Variants in KIAA1217 observed in about 807,000 individuals in gnomAD.
The protein encoded by KIAA1217 is sickle tail protein homolog.
KIAA1217 carries 88 observed loss-of-function variants against 163.9 expected under a neutral mutation model. The ratio of observed to expected loss-of-function variants is 0.54; its 90% confidence interval spans 0.45 to 0.64. The LOEUF is 0.64. KIAA1217 is among the 30% of genes least tolerant of loss of function. The pLI, the probability that KIAA1217 is intolerant of heterozygous loss-of-function variation, is 0.00. For missense variants in KIAA1217, 2,372 were observed against 2,475.0 expected, an observed-to-expected ratio of 0.96 and a Z score of 0.88; for synonymous variants, 903 against 923.1, an observed-to-expected ratio of 0.98 and a Z score of 0.39.
rs148324164 is a variant in KIAA1217, at chr10:23,717,361, A to G, written c.-321+22127A>G. On this transcript the variant is annotated intron_variant, in intron 1 of 18. Transcript: ENST00000376462. ...CTAATAATTACTGAGCACGTACTAT[A>G]GTCCAGGCAGCATGCTAAACTCTAC... Among the ~76,000 whole-genome samples, 177 of 152,250 alleles carry G rather than the reference A, an allele frequency of 1.2e-3. 13 individuals are homozygous for G. The East Asian group carries it at 0.028, about 24-fold the overall frequency.
intron 2 of KIAA1217, among the ~76,000 whole-genome samples, chr10:24,326,224 G>A (rs982571858): frequency 2.6e-5 from 4 of 152,086 alleles, no homozygotes; most frequent in African/African-American, 7.2e-5. Flanking sequence ...AGTTGTAAAA[G>A]TTCCCATAGG....
At chr10:24,491,282 TTTCC>T (rs1383075992) in intron 6 of KIAA1217, among the ~76,000 whole-genome samples, 1 of 144,370 alleles carries the variant, frequency 6.9e-6, no homozygotes. Flanking sequence ...TCTTTTTTTT[TTTCC>T]TTTTTTTTTT....
chr10:24,375,730 G>A (rs2052391091), intron 2 of KIAA1217, among the ~76,000 whole-genome samples: 1 of 152,184 alleles, frequency 6.6e-6, no homozygotes, highest in African/African-American at 2.4e-5. Flanking sequence ...ATGCCCTGTG[G>A]CAAATTGGGC....
chr10:23,841,328 A>G (rs1237652974), intron 1 of KIAA1217, among the ~76,000 whole-genome samples: 2 of 152,200 alleles, frequency 1.3e-5, no homozygotes, highest in African/African-American at 4.8e-5. Context: ...ATAGGAATGA[A>G]TTTGTCCTGT....
intron 1 of KIAA1217, among the ~76,000 whole-genome samples, chr10:23,817,284 T>C (rs1837351578): frequency 1.3e-5 from 2 of 152,352 alleles, no homozygotes; most frequent in African/African-American, 4.8e-5. Flanking sequence ...TATATACAAA[T>C]GACTTCTTCT....
intron 1 of KIAA1217, among the ~76,000 whole-genome samples, chr10:23,747,247 T>A (rs188265280): frequency 6.6e-6 from 1 of 151,474 alleles, no homozygotes; most frequent in Admixed American, 6.6e-5. Context: ...GCCAGAGGAG[T>A]CTTGAGGAAT....
chr10:24,291,315 G>C (rs1440881040), intron 2 of KIAA1217, among the ~76,000 whole-genome samples: 1 of 152,126 alleles, frequency 6.6e-6, no homozygotes, highest in Non-Finnish European at 1.5e-5. Flanking sequence ...GATCACCTGA[G>C]GTCAGGAATT....
chr10:24,007,199 A>G (rs897540164), intron 1 of KIAA1217: 1 of 151,544 alleles, frequency 6.6e-6, no homozygotes, highest in African/African-American at 2.4e-5. Context: ...AGTGGGAACA[A>G]TTCCATTATG....
intron 2 of KIAA1217, among the ~76,000 whole-genome samples, chr10:24,257,048 A>T (rs904572529): frequency 2.0e-5 from 3 of 152,140 alleles, no homozygotes; most frequent in Non-Finnish European, 2.9e-5. Flanking sequence ...TGGTCAGGAA[A>T]ACAATTTTTT....
intron 5 of KIAA1217, 102 bp from the exon 6 acceptor site, chr10:24,473,126 G>C (rs1165035223): frequency 1.3e-6 from 1 of 759,566 alleles, no homozygotes; most frequent in African/African-American, 1.7e-5. Context: ...CCAGGATGAG[G>C]GTGTATACAT....
chr10:24,441,701 C>T (rs1229622292), intron 5 of KIAA1217, among the ~76,000 whole-genome samples: 3 of 152,182 alleles, frequency 2.0e-5, no homozygotes, highest in African/African-American at 7.2e-5. Context: ...AATTGCGTGG[C>T]TTTTGTTTCC....
At chr10:24,219,071 C>T (rs1370458455) in intron 1 of KIAA1217, among the ~76,000 whole-genome samples, 1 of 152,124 alleles carries the variant, frequency 6.6e-6, no homozygotes, top group East Asian at 1.9e-4. Flanking sequence ...ACCCTATTGC[C>T]TGCACACAAG....
chr10:23,857,613 C>T (rs1564482472), intron 1 of KIAA1217, among the ~76,000 whole-genome samples: 1 of 152,100 alleles, frequency 6.6e-6, no homozygotes, highest in East Asian at 1.9e-4. Flanking sequence ...AGGGTCGGGG[C>T]CCAGGAATTT....
At chr10:24,513,163 C>A in intron 9 of KIAA1217, 96 bp from the exon 10 acceptor site, 1 of 1,087,516 alleles carries the variant, frequency 9.2e-7, no homozygotes, top group Non-Finnish European at 1.4e-6. Context: ...AGCCGCAGGG[C>A]TGTCTACCCA....
At chr10:24,265,658 C>G (rs1431471054) in intron 2 of KIAA1217, among the ~76,000 whole-genome samples, 1 of 152,132 alleles carries the variant, frequency 6.6e-6, no homozygotes, top group Admixed American at 6.5e-5. Context: ...TCCTTCTTCT[C>G]TTTTTCCTCC....
intron 1 of KIAA1217, among the ~76,000 whole-genome samples, chr10:24,006,395 T>C (rs1404865705): frequency 2.6e-5 from 4 of 152,120 alleles, no homozygotes; most frequent in Non-Finnish European, 4.4e-5. Flanking sequence ...TAAGAGGAGT[T>C]TACAGAAACA....
intron 1 of KIAA1217, among the ~76,000 whole-genome samples, chr10:23,702,942 G>A (rs1446963618): frequency 4.6e-5 from 7 of 152,024 alleles, no homozygotes; most frequent in Non-Finnish European, 8.8e-5. Flanking sequence ...TAGCCAAGAT[G>A]GTCTGGATCT....
At chr10:24,461,578 A>T (rs2062415489) in intron 5 of KIAA1217, among the ~76,000 whole-genome samples, 1 of 151,714 alleles carries the variant, frequency 6.6e-6, no homozygotes, top group East Asian at 1.9e-4. Flanking sequence ...CTGGTCTCAA[A>T]CTCCTGGCCT....
chr10:23,918,154 T>TA, intron 1 of KIAA1217, among the ~76,000 whole-genome samples: 1 of 149,056 alleles, frequency 6.7e-6, no homozygotes, highest in Non-Finnish European at 1.5e-5. Flanking sequence ...CTGGGACTTT[T>TA]TTTTTTTTTT....
Sources: gnomAD v4.1 joint callset for allele counts (sites outside exome capture counted in the v4.1 genomes callset) on GRCh38, gnomAD v4.1.1 for gene constraint, MANE v1.5 for transcripts, NCBI Gene and HGNC (gene_info 2026-07-23, HGNC 2026-07-21) for gene names.